The following PRKG1 variants were observed in gnomAD, a reference collection of about 807,000 sequenced individuals.
The protein encoded by PRKG1 is cGMP-dependent protein kinase 1.
PRKG1 carries 35 observed loss-of-function variants against 88.1 expected under a neutral mutation model. The ratio of observed to expected loss-of-function variants is 0.40; its 90% CI spans 0.30 to 0.53. The LOEUF (loss-of-function observed/expected upper bound fraction) is 0.53. Ranked by LOEUF, PRKG1 falls within the 20% of genes least tolerant of loss-of-function variation. PRKG1 has a pLI of 0.59. For missense variants in PRKG1, 540 were observed against 839.8 expected (o/e 0.64, Z 4.41); for synonymous variants, 303 against 292.5 (o/e 1.04, Z -0.37).
chr10:51,334,844 G>C (rs1045277656), intron 2 of PRKG1, among the ~76,000 whole-genome samples: 1 of 152,096 alleles, frequency 6.6e-6, no homozygotes, highest in Non-Finnish European at 1.5e-5. Flanking sequence ...GAGGCAGAGG[G>C]AATCAGGGTG....
intron 7 of PRKG1, among the ~76,000 whole-genome samples, chr10:52,079,364 C>G (rs943988160): frequency 3.3e-5 from 5 of 152,096 alleles, no homozygotes; most frequent in African/African-American, 1.2e-4. Flanking sequence ...CTGCCCGAAG[C>G]CTGAGCTTTA....
intron 5 of PRKG1, among the ~76,000 whole-genome samples, chr10:51,929,817 G>C (rs986869152): frequency 3.3e-5 from 5 of 152,050 alleles, no homozygotes; most frequent in African/African-American, 1.2e-4. Flanking sequence ...TTTTGTTACC[G>C]TTTCTCTAAC....
At chr10:51,852,928 C>A (rs1383571174) in intron 4 of PRKG1, among the ~76,000 whole-genome samples, 1 of 152,110 alleles carries the variant, frequency 6.6e-6, no homozygotes, top group African/African-American at 2.4e-5. Flanking sequence ...TCAGTTCCTT[C>A]AAGACTGGCA....
At chr10:52,290,363 A>T (rs1487315381) in intron 17 of PRKG1, 73 bp downstream of exon 17, 2 of 1,292,922 alleles carry the variant, frequency 1.5e-6, no homozygotes, top group East Asian at 2.3e-5. Context: ...ATGATCTGTT[A>T]TTTTTAAAGT....
intron 3 of PRKG1, among the ~76,000 whole-genome samples, chr10:51,512,119 G>A (rs187966394): frequency 6.6e-6 from 1 of 151,308 alleles, no homozygotes; most frequent in Non-Finnish European, 1.5e-5. Flanking sequence ...CTTTGGGAAA[G>A]AGGGTGGTGG....
At chr10:51,642,408 G>T (rs1839822273) in intron 3 of PRKG1, among the ~76,000 whole-genome samples, 1 of 151,962 alleles carries the variant, frequency 6.6e-6, no homozygotes, top group Non-Finnish European at 1.5e-5. Context: ...AAATAAAACT[G>T]AATACTTAAA....
At chr10:51,466,642 G>A (rs149957507) in intron 2 of PRKG1, among the ~76,000 whole-genome samples, 145 of 152,106 alleles carry the variant, frequency 9.5e-4, no homozygotes, top group African/African-American at 3.3e-3. Flanking sequence ...AACCTCAGTT[G>A]TTACAAAGAT....
intron 5 of PRKG1, among the ~76,000 whole-genome samples, chr10:51,997,702 C>T (rs1038584741): frequency 2.0e-5 from 3 of 152,092 alleles, no homozygotes; most frequent in Admixed American, 6.6e-5. Context: ...TACATACATA[C>T]AATTTTAGTA....
At chr10:52,017,521 G>A (rs1845070955) in intron 5 of PRKG1, among the ~76,000 whole-genome samples, 1 of 152,124 alleles carries the variant, frequency 6.6e-6, no homozygotes, top group Non-Finnish European at 1.5e-5. Flanking sequence ...CAAGGTAGAT[G>A]GTAGGTACCT....
chr10:52,132,237 T>C (rs1837286859), intron 7 of PRKG1, among the ~76,000 whole-genome samples: 1 of 152,144 alleles, frequency 6.6e-6, no homozygotes, highest in Admixed American at 6.6e-5. Context: ...TAAATATTAA[T>C]ATAATACAAC....
At chr10:51,894,884 C>T (rs894231972) in intron 4 of PRKG1, among the ~76,000 whole-genome samples, 2 of 152,006 alleles carry the variant, frequency 1.3e-5, no homozygotes, top group African/African-American at 4.8e-5. Flanking sequence ...TATTGCTTGG[C>T]CTGACTTCTT....
chr10:51,538,432 A>G (rs1293631310), intron 3 of PRKG1, among the ~76,000 whole-genome samples: 1 of 148,638 alleles, frequency 6.7e-6, no homozygotes, highest in Non-Finnish European at 1.5e-5. Flanking sequence ...GATATATGAT[A>G]TATAATAATG....
rs541745634 is a variant in PRKG1 at position 51,639,974 on chromosome 10, A to C, written c.593-164611A>C. On this transcript the variant is annotated intron_variant, in intron 3 of 17. Transcript: ENST00000373980. ...GACTTCTCACAGCCTTAGTCTCTGG[A>C]TCTACAAAATAAGTATCCTGGTGCC... 2.6e-5 allele frequency among the ~76,000 whole-genome samples: 4 copies of C among 152,280 alleles called. No individual in the cohort carries two copies. The East Asian group carries it at 5.8e-4, about 22-fold the overall frequency.
chr10:51,734,761 G>A (rs1837220510), intron 3 of PRKG1, among the ~76,000 whole-genome samples: 1 of 152,296 alleles, frequency 6.6e-6, no homozygotes, highest in Admixed American at 6.5e-5. Context: ...AGCTGTCACA[G>A]TTTTTCTACT....
intron 3 of PRKG1, among the ~76,000 whole-genome samples, chr10:51,800,925 G>A (rs1302778039): frequency 1.3e-5 from 2 of 152,054 alleles, no homozygotes; most frequent in Non-Finnish European, 2.9e-5. Context: ...GGGCTTCAAC[G>A]TTTGAATTTT....
intron 4 of PRKG1, among the ~76,000 whole-genome samples, chr10:51,897,395 A>G (rs1385538951): frequency 5.9e-5 from 9 of 152,174 alleles, no homozygotes; most frequent in Non-Finnish European, 1.2e-4. Flanking sequence ...TATGCTTCCC[A>G]GAGATAATTA....
intron 10 of PRKG1, among the ~76,000 whole-genome samples, chr10:52,265,766 C>T (rs1270680099): frequency 6.6e-6 from 1 of 152,030 alleles, no homozygotes; most frequent in African/African-American, 2.4e-5. Flanking sequence ...TCAGCTATAG[C>T]CAGATAGTTA....
At chr10:52,239,611 C>G (rs114625928) in intron 9 of PRKG1, among the ~76,000 whole-genome samples, 2,788 of 140,178 alleles carry the variant, frequency 0.02, 90 homozygotes, top group African/African-American at 0.07. Context: ...TATTTACCAA[C>G]AATTAAAAAA....
chr10:51,150,456 A>T (rs926740834), intron 1 of PRKG1, among the ~76,000 whole-genome samples: 10 of 152,156 alleles, frequency 6.6e-5, no homozygotes, highest in African/African-American at 2.4e-4. Context: ...GGAAAATTAC[A>T]TGAAAAGGCA....
Sources: allele counts gnomAD v4.1 joint callset (sites outside exome capture counted in the v4.1 genomes callset), GRCh38; gene constraint gnomAD v4.1.1; transcripts MANE v1.5; gene names NCBI Gene and HGNC (gene_info 2026-07-23, HGNC 2026-07-21).